INCENP: variants seen among roughly 807,000 people sequenced by gnomAD.
INCENP encodes inner centromere protein.
INCENP carries 43 observed loss-of-function variants against 107.3 expected under a neutral mutation model. That is an observed-to-expected ratio of 0.40 (90% CI 0.31 to 0.52). The LOEUF (loss-of-function observed/expected upper bound fraction) is 0.52, where lower values mean the gene tolerates loss of function less well. Ranked by LOEUF, INCENP falls within the 20% of genes least tolerant of loss-of-function variation. INCENP has a pLI of 0.53. For missense variants in INCENP, 1,089 were observed against 1,250.9 expected, an observed-to-expected ratio of 0.87 and a Z score of 1.95; for synonymous variants, 488 against 494.4, an observed-to-expected ratio of 0.99 and a Z score of 0.17.
At position 62,128,756 on chromosome 11, in the gene INCENP, CT is replaced by C; in HGVS notation, c.141-12del. The C allele has an allele frequency of 6.3e-7, 1 of 1,593,130 alleles. No homozygotes were observed. The highest frequency in any genetic ancestry group is 8.6e-7 in the Non-Finnish European group (1 of 1,160,858). On this transcript the variant is annotated splice_polypyrimidine_tract_variant and intron_variant, in intron 2 of 18. Transcript: ENST00000394818. The stretch of plus-strand genomic sequence containing the variant: ...CCAGGCAGCCTCGAGTGACACCCTC[CT>C]TGTGCCAAACAGAGAATTCAGCAAA...
intron 18 of INCENP, among the ~76,000 whole-genome samples, chr11:62,150,527 C>A (rs1944351830): frequency 6.6e-6 from 1 of 152,228 alleles, no homozygotes; most frequent in Non-Finnish European, 1.5e-5. Context: ...AGAGTCCCAT[C>A]CAGCAGGGCT....
At chr11:62,127,572 T>C (rs535902574) in intron 1 of INCENP, among the ~76,000 whole-genome samples, 1 of 152,352 alleles carries the variant, frequency 6.6e-6, no homozygotes, top group Admixed American at 6.5e-5. Flanking sequence ...TTCTCACTCA[T>C]TCCTTTGGAA....
chr11:62,130,352 T>C lies in INCENP; in HGVS notation c.825T>C (p.Ser275=). 1 of 1,612,346 alleles carries C rather than the reference T, an allele frequency of 6.2e-7. No individual in the cohort carries two copies. Among genetic ancestry groups the C allele is most frequent in the Non-Finnish European group, 8.5e-7 (1 of 1,179,960 alleles). The change falls in exon 4 of 19, where the codon TCT becomes TCC. Residue 275 remains serine (S), a synonymous_variant. Coordinates refer to ENST00000394818, the MANE Select transcript of INCENP (RefSeq NM_001040694.2). ...GGGACTCGCCAGCCTTTCCAGATTC[T>C]CCATGGCGGGAGCGGGTGCTGGCTC... ...GPRDSPAFPD[S]PWRERVLAPI...
chr11:62,148,846 G>C lies in INCENP; in HGVS notation c.2391G>C (p.Gln797His). 6.3e-7 allele frequency: 1 copy of C among 1,597,406 alleles called. No homozygotes were observed. Among genetic ancestry groups the C allele is most frequent in the Non-Finnish European group, 8.5e-7 (1 of 1,170,742 alleles). ...CCCTGAATGTGACTGTGGACGTGCA[G>C]GTGCCACCTGGGCCCCAGTGGAGAG... ...SKALNVTVDV[Q>H]SPACTSYQMT... The change falls in exon 17 of 19, where the codon CAG (glutamine) becomes CAC (histidine). Residue 797 changes from glutamine (Q) to histidine (H), a missense_variant and splice_region_variant. By Grantham distance (24) the Gln-to-His change is conservative. Coordinates refer to ENST00000394818, the MANE Select transcript of INCENP (RefSeq NM_001040694.2).
At chr11:62,141,546 C>A in intron 11 of INCENP, 35 bp downstream of exon 11, 1 of 1,613,686 alleles carries the variant, frequency 6.2e-7, no homozygotes, top group Admixed American at 1.7e-5. Flanking sequence ...TAACCTCGCC[C>A]CACCTAGCAC....
In INCENP at chr11:62,148,720, A is replaced by G. The variant is rs751943877; in HGVS notation, c.2284-19A>G. The G allele has an allele frequency of 6.4e-7, 1 of 1,563,644 alleles. No homozygotes were observed. Among genetic ancestry groups the G allele is most frequent in the Non-Finnish European group, 8.7e-7 (1 of 1,155,608 alleles). ...CACCTGCACAGCTCCCTAACACCCC[A>G]TTGCCACCTGGGTTCCAGGAAGAGC... On this transcript the variant is annotated intron_variant, in intron 16 of 18. Transcript: ENST00000394818.
In INCENP at chr11:62,130,493, C is replaced by G. The variant is rs1943868597; in HGVS notation, c.966C>G (p.Tyr322Ter). The change falls in exon 4 of 19, where the codon TAC becomes TAG. Residue 322 changes from tyrosine (Y) to a stop codon, truncating the protein, a stop_gained. Coordinates refer to ENST00000394818, the MANE Select transcript of INCENP (RefSeq NM_001040694.2). LOFTEE classifies it high-confidence loss of function. ...GTCCCCAAGTCTTAGCCCAGAAGTA[C>G]TCTCTGGTGGCCAAACAGGAAAGTG... ...SPSPQVLAQKYSLVAKQESVV... is the reference protein window; with the variant it reads ...SPSPQVLAQK 6.2e-7 allele frequency: 1 copy of G among 1,613,994 alleles called. No individual in the cohort carries two copies. Among genetic ancestry groups the G allele is most frequent in the Non-Finnish European group, 8.5e-7 (1 of 1,180,030 alleles).
Position 62,140,784 on chromosome 11 carries a change from G to T in INCENP, c.1424G>T (p.Arg475Met). ...GAGGATGAGGAGCTGCAGCCCCCCA[G>T]GAGCAAGACCCCTTCCTCACCCTGC... is the stretch of plus-strand genomic sequence containing the variant. ...HLEDEELQPP[R>M]SKTPSSPCPA... is the part of the protein sequence containing the mutation. The change falls in exon 9 of 19, where the codon AGG becomes ATG. Residue 475 changes from arginine to methionine, a missense_variant. By Grantham distance (91) the Arg-to-Met change is moderately conservative (BLOSUM62 -1). Coordinates refer to ENST00000394818, the MANE Select transcript of INCENP (RefSeq NM_001040694.2). 2 of 1,612,344 alleles carry T rather than the reference G, an allele frequency of 1.2e-6. No individual in the cohort carries two copies. Among genetic ancestry groups the T allele is most frequent in the Non-Finnish European group, 1.7e-6 (2 of 1,179,758 alleles).
At chr11:62,150,001 G>A (rs1369034586) in intron 17 of INCENP, 56 bp from the exon 18 acceptor site, 10 of 1,580,860 alleles carry the variant, frequency 6.3e-6, no homozygotes, top group South Asian at 1.1e-5. Context: ...GCACTCCTCG[G>A]TGGTGAGAGA....
intron 15 of INCENP, among the ~76,000 whole-genome samples, chr11:62,147,646 G>A (rs1438560181): frequency 2.6e-5 from 4 of 152,160 alleles, no homozygotes; most frequent in Admixed American, 6.5e-5. Context: ...CTACCTCCTG[G>A]GAAACACCGG....
chr11:62,148,572 G>A lies in INCENP; in HGVS notation c.2283+18G>A. On this transcript the variant is annotated intron_variant, in intron 16 of 18. Transcript: ENST00000394818. ...AGAAGAAGGTGAGGGGAGCTGGGTT[G>A]CGGGCTCCCCTGGGGTCTGCCCTGA... 1 of 1,592,164 alleles carries A rather than the reference G, an allele frequency of 6.3e-7. No individual in the cohort carries two copies. The highest frequency in any genetic ancestry group is 2.3e-5 in the East Asian group (1 of 44,268).
At chr11:62,128,940 C>T (rs1443337058) in intron 3 of INCENP, 57 bp downstream of exon 3, 1 of 1,159,326 alleles carries the variant, frequency 8.6e-7, no homozygotes, top group African/African-American at 1.5e-5. Context: ...GGCTTGGTGC[C>T]ATCTGGGAGT....
At chr11:62,141,716 C>G (rs1944127650) in intron 11 of INCENP, 2 of 679,328 alleles carry the variant, frequency 2.9e-6, no homozygotes, top group South Asian at 3.4e-5. Flanking sequence ...TCTGCCCTCC[C>G]TGCCCTTGAC....
intron 15 of INCENP, among the ~76,000 whole-genome samples, chr11:62,148,053 T>C (rs1317949477): frequency 6.6e-6 from 1 of 152,172 alleles, no homozygotes; most frequent in African/African-American, 2.4e-5. Flanking sequence ...CAGTGTGTTG[T>C]GGAGGTGACT....
chr11:62,140,026 C>T (rs1262232534), intron 7 of INCENP, among the ~76,000 whole-genome samples: 1 of 152,098 alleles, frequency 6.6e-6, no homozygotes, highest in Non-Finnish European at 1.5e-5. Context: ...GATCCGCCCA[C>T]CTTGGCCTCC....
chr11:62,138,436 G>A (rs1019442358), intron 5 of INCENP, among the ~76,000 whole-genome samples: 15 of 152,334 alleles, frequency 9.8e-5, no homozygotes, highest in South Asian at 4.1e-4. Context: ...AGGTGGAGGC[G>A]GAGCTGAGGA....
At position 62,141,705 on chromosome 11, in the gene INCENP, C is replaced by T. The variant is rs1944127333; in HGVS notation, c.1605+194C>T. The T allele has an allele frequency of 8.3e-6, 6 of 724,164 alleles. No individual in the cohort carries two copies. In the East Asian group the frequency reaches 1.5e-4, roughly 18 times the overall value. The allele number at this position is 724,164 out of a possible 1,614,324, so 44.9% of individuals were successfully genotyped here. The stretch of plus-strand genomic sequence containing the variant: ...AGCAGTTCTGGGCCCCAGCGTCCTT[C>T]TCTGCCCTCCCTGCCCTTGACTCTG... On this transcript the variant is annotated intron_variant, in intron 11 of 18. Coordinates refer to ENST00000394818, the MANE Select transcript of INCENP (RefSeq NM_001040694.2).
In INCENP at chr11:62,129,773, C is replaced by A. The variant is rs1415395671; in HGVS notation, c.255-9C>A. 2 of 1,598,150 alleles carry A rather than the reference C, an allele frequency of 1.3e-6. No homozygotes were observed. The highest frequency in any genetic ancestry group is 1.3e-5 in the African/African-American group (1 of 74,830). ...CCCGTCTCAGCCTCTGCCCTGCTGC[C>A]CCTGCCAGGTTATCCCGCAGAAAGT... On this transcript the variant is annotated splice_polypyrimidine_tract_variant and intron_variant, in intron 3 of 18. Coordinates refer to ENST00000394818, the MANE Select transcript of INCENP (RefSeq NM_001040694.2).
chr11:62,146,561 GAT>G, intron 14 of INCENP, 95 bp from the exon 15 acceptor site: 1 of 1,503,750 alleles, frequency 6.7e-7, no homozygotes, highest in Non-Finnish European at 8.9e-7. Flanking sequence ...GGTGGTGGCT[GAT>G]ATGAGGGGCA....
Sources: allele counts gnomAD v4.1 joint callset (sites outside exome capture counted in the v4.1 genomes callset), GRCh38; gene constraint gnomAD v4.1.1; transcripts MANE v1.5; gene names NCBI Gene and HGNC (gene_info 2026-07-23, HGNC 2026-07-21).